Variants in FRMPD1 observed in about 807,000 individuals in gnomAD.
FRMPD1 encodes the protein FERM and PDZ domain containing 1.
A neutral mutation model predicts 117.8 loss-of-function variants in FRMPD1; 76 were observed. The observed-to-expected ratio is 0.65, with a 90% CI of 0.54 to 0.78. FRMPD1 has a LOEUF of 0.78. Among genes scored for constraint, FRMPD1 ranks in the 30% least tolerant of loss-of-function variants. The probability of loss-of-function intolerance (pLI) is 0.00; values close to 1 mark genes in which losing one functional copy is unlikely to be tolerated. For synonymous variants in FRMPD1, 783 were observed against 770.4 expected (o/e 1.02, Z -0.27); for missense variants, 1,786 against 1,964.5 (o/e 0.91, Z 1.72).
At chr9:37,722,845 GT>G (rs933530797) in intron 6 of FRMPD1, among the ~76,000 whole-genome samples, 1 of 151,848 alleles carries the variant, frequency 6.6e-6, no homozygotes, top group African/African-American at 2.4e-5. Context: ...AGTTACATAT[GT>G]ATACATGTGC....
chr9:37,607,081 G>A, the FRMPD1 span, among the ~76,000 whole-genome samples: 2 of 152,160 alleles, frequency 1.3e-5, no homozygotes, highest in East Asian at 1.9e-4. Flanking sequence ...TTGGGAGGCC[G>A]GGGCGGGTGG....
At chr9:37,636,611 GA>G in the FRMPD1 span, 7 of 1,072,346 alleles carry the variant, frequency 6.5e-6, no homozygotes, top group Non-Finnish European at 9.2e-6. Context: ...AGGAGAGGAA[GA>G]GGGAGGCACC....
At position 37,745,402 on chromosome 9, in the gene FRMPD1, G is replaced by A. The variant is rs113193159; in HGVS notation, c.3370G>A (p.Val1124Ile). ...REVTNKNGTNVFQEESRKDSG... is the reference protein window; with the variant it reads ...REVTNKNGTNIFQEESRKDSG... The stretch of plus-strand genomic sequence containing the variant: ...AGTTACAAACAAAAATGGCACCAAC[G>A]TATTTCAGGAGGAGTCTAGGAAGGA... Residue 1124 changes from valine to isoleucine, a missense_variant, in exon 16 of 16, where the codon GTA becomes ATA. Val to Ile is a conservative substitution (Grantham distance 29). Transcript: ENST00000377765. The A allele has an allele frequency of 3.8e-5, 61 of 1,614,120 alleles. No individual in the cohort carries two copies. The African/African-American group carries it at 5.7e-4, about 15-fold the overall frequency.
intron 15 of FRMPD1, among the ~76,000 whole-genome samples, chr9:37,741,865 A>G (rs1824439084): frequency 6.6e-6 from 1 of 152,138 alleles, no homozygotes; most frequent in African/African-American, 2.4e-5. Flanking sequence ...GATGGTGCCC[A>G]TCCGTCTATC....
Position 37,746,374 on chromosome 9 carries a change from C to G in FRMPD1, c.4342C>G (p.Pro1448Ala). Residue 1448 changes from proline (P) to alanine (A), a missense_variant, in exon 16 of 16, where the codon CCA becomes GCA. Pro to Ala is a conservative substitution (Grantham distance 27). Transcript: ENST00000377765. Reference protein sequence around the residue: ...TSWGVGNKHPPEKCTWHFTES... With the variant: ...TSWGVGNKHPAEKCTWHFTES... ...CTGGGGGGTTGGAAACAAACATCCC[C>G]CAGAGAAGTGCACCTGGCACTTTAC... 6.2e-7 allele frequency: 1 copy of G among 1,612,744 alleles called. No homozygotes were observed. The highest frequency in any genetic ancestry group is 8.5e-7 in the Non-Finnish European group (1 of 1,179,762).
chr9:37,729,871 C>A lies in FRMPD1; in HGVS notation c.738+18C>A. The A allele has an allele frequency of 6.2e-7, 1 of 1,611,456 alleles. No homozygotes were observed. Among genetic ancestry groups the A allele is most frequent in the South Asian group, 1.1e-5 (1 of 90,752 alleles). ...TCCAGCAGGTAGGGAGGACTGACCG[C>A]CTGTTCCTGGGAGGCATGGGCTGGG... On this transcript the variant is annotated intron_variant, in intron 8 of 15. Transcript: ENST00000377765.
the FRMPD1 span, among the ~76,000 whole-genome samples, chr9:37,613,549 C>G: frequency 6.6e-6 from 1 of 152,110 alleles, no homozygotes; most frequent in Non-Finnish European, 1.5e-5. Context: ...GCCTGGAGCT[C>G]GAAAACAGAG....
chr9:37,645,235 T>C, the FRMPD1 span, among the ~76,000 whole-genome samples: 1 of 152,218 alleles, frequency 6.6e-6, no homozygotes, highest in African/African-American at 2.4e-5. Context: ...AGGAATGAGA[T>C]AAAAATTCAT....
rs141522103 is a variant in FRMPD1 at position 37,724,669 on chromosome 9, G to A, written c.612+349G>A. On this transcript the variant is annotated intron_variant, in intron 7 of 15. Coordinates refer to ENST00000377765, the MANE Select transcript of FRMPD1 (RefSeq NM_014907.3). ...CTCTACCTGCTACGCCAAACACTAC[G>A]AAAACCCAGGTGAGATGTCAGGAAA... 7.9e-5 allele frequency among the ~76,000 whole-genome samples: 12 copies of A among 152,288 alleles called. No homozygotes were observed. The East Asian group carries it at 1.9e-3, about 24-fold the overall frequency.
chr9:37,670,723 T>G (rs796281845), intron 1 of FRMPD1, among the ~76,000 whole-genome samples: 2 of 152,388 alleles, frequency 1.3e-5, no homozygotes, highest in African/African-American at 4.8e-5. Context: ...CAAGCTGTGC[T>G]TTCAGTAAAG....
At chr9:37,635,018 G>A in the FRMPD1 span, among the ~76,000 whole-genome samples, 1 of 152,114 alleles carries the variant, frequency 6.6e-6, no homozygotes, top group Non-Finnish European at 1.5e-5. Flanking sequence ...GGCTGGCTAT[G>A]AAATTTTAGG....
At chr9:37,701,170 A>G (rs558117459) in intron 2 of FRMPD1, among the ~76,000 whole-genome samples, 1 of 152,338 alleles carries the variant, frequency 6.6e-6, no homozygotes, top group African/African-American at 2.4e-5. Context: ...CACTCTGCCA[A>G]GTGGAAGATA....
intron 2 of FRMPD1, among the ~76,000 whole-genome samples, chr9:37,698,391 C>T (rs772902334): frequency 3.3e-5 from 5 of 152,020 alleles, no homozygotes; most frequent in Non-Finnish European, 5.9e-5. Context: ...TCATTCTTTA[C>T]TGACCCCTCC....
chr9:37,643,740 G>A, the FRMPD1 span, among the ~76,000 whole-genome samples: 5 of 152,168 alleles, frequency 3.3e-5, no homozygotes, highest in Non-Finnish European at 7.3e-5. Flanking sequence ...AAGTGGGTAA[G>A]TTGGGCTTTT....
chr9:37,648,055 TC>T (rs1588896861), upstream of FRMPD1, among the ~76,000 whole-genome samples: 1 of 152,296 alleles, frequency 6.6e-6, no homozygotes, highest in Middle Eastern at 3.4e-3. Context: ...TTAGAAGCAT[TC>T]CTAATAGTGC....
the FRMPD1 span, chr9:37,637,218 G>A: frequency 6.2e-7 from 1 of 1,611,334 alleles, no homozygotes; most frequent in Non-Finnish European, 8.5e-7. Flanking sequence ...GCAAACCGCA[G>A]GAGCAGGCAT....
the FRMPD1 span, among the ~76,000 whole-genome samples, chr9:37,638,022 T>TTCTTTCTTTCTTTCTTTCTC: frequency 9.9e-5 from 8 of 81,076 alleles, no homozygotes; most frequent in Non-Finnish European, 1.8e-4. Context: ...CTTTCTTTCT[T>TTCTTTCTTTCTTTCTTTCTC]TCTCTCTCTT....
the FRMPD1 span, among the ~76,000 whole-genome samples, chr9:37,609,950 C>G: frequency 3.9e-5 from 6 of 152,314 alleles, no homozygotes; most frequent in African/African-American, 1.4e-4. Flanking sequence ...TTGGAGCTGC[C>G]TCTCTTTCAG....
chr9:37,684,938 A>C (rs1281860899), intron 1 of FRMPD1, among the ~76,000 whole-genome samples: 1 of 151,930 alleles, frequency 6.6e-6, no homozygotes, highest in Non-Finnish European at 1.5e-5. Flanking sequence ...TATTTTCAGT[A>C]CACACAGGAT....
Sources: gnomAD v4.1 joint callset for allele counts (sites outside exome capture counted in the v4.1 genomes callset) on GRCh38, gnomAD v4.1.1 for gene constraint, MANE v1.5 for transcripts, NCBI Gene and HGNC (gene_info 2026-07-23, HGNC 2026-07-21) for gene names.